Variants in PROCR observed in about 807,000 individuals in gnomAD.
PROCR encodes protein C receptor.
PROCR carries 22 observed loss-of-function variants against 24.2 expected under a neutral mutation model. That is an observed-to-expected ratio of 0.91 (90% CI 0.65 to 1.30). The LOEUF (loss-of-function observed/expected upper bound fraction) is 1.30, where lower values mean the gene tolerates loss of function less well. PROCR is among the 50% of genes most tolerant of loss of function. The probability of loss-of-function intolerance (pLI) is 0.00; values close to 1 mark genes in which losing one functional copy is unlikely to be tolerated. For synonymous variants in PROCR, 137 were observed against 139.2 expected, an observed-to-expected ratio of 0.98 and a Z score of 0.11; for missense variants, 288 against 307.7, an observed-to-expected ratio of 0.94 and a Z score of 0.48.
intron 1 of PROCR, among the ~76,000 whole-genome samples, chr20:35,213,306 C>T (rs910458568): frequency 6.6e-6 from 1 of 152,066 alleles, no homozygotes; most frequent in East Asian, 1.9e-4. Context: ...GCACTCCATC[C>T]TGGGTAACGG....
downstream of PROCR, among the ~76,000 whole-genome samples, chr20:35,180,456 G>A (rs2086067224): frequency 6.6e-6 from 1 of 152,062 alleles, no homozygotes; most frequent in Non-Finnish European, 1.5e-5. Context: ...GGTCATTTTG[G>A]CCAACTGCAG....
intron 1 of PROCR, among the ~76,000 whole-genome samples, chr20:35,195,670 A>T (rs2086209038): frequency 6.6e-6 from 1 of 151,568 alleles, no homozygotes; most frequent in Non-Finnish European, 1.5e-5. Context: ...AAAACACAAA[A>T]ATTAGCCAGG....
At chr20:35,187,153 C>T (rs779702438) in intron 1 of PROCR, among the ~76,000 whole-genome samples, 5 of 152,178 alleles carry the variant, frequency 3.3e-5, no homozygotes, top group Admixed American at 1.3e-4. Context: ...CAGGCTCAAA[C>T]GATCCTCCCA....
chr20:35,203,813 C>A (rs2060328003), intron 1 of PROCR, among the ~76,000 whole-genome samples: 1 of 151,914 alleles, frequency 6.6e-6, no homozygotes, highest in Admixed American at 6.6e-5. Flanking sequence ...ACATTTATAG[C>A]TTTACATGCC....
intron 3 of PROCR, 47 bp from the exon 4 acceptor site, chr20:35,176,651 C>T: frequency 2.5e-6 from 4 of 1,575,792 alleles, no homozygotes; most frequent in Non-Finnish European, 3.5e-6. Flanking sequence ...AAATCATGGA[C>T]TCCTTGGGGG....
intron 1 of PROCR, among the ~76,000 whole-genome samples, chr20:35,186,376 G>C (rs953927802): frequency 6.6e-6 from 1 of 151,220 alleles, no homozygotes; most frequent in African/African-American, 2.4e-5. Context: ...AGACCAGCCT[G>C]ACCAACATGG....
rs914304189 is a variant in PROCR, at chr20:35,174,743, G to T, written c.112G>T (p.Asp38Tyr). ...LHMLQISYFR[D>Y]PYHVWYQGNA... is the part of the protein sequence containing the mutation. ...TATGCTCCAGATCTCCTACTTCCGC[G>T]ACCCCTATCACGTGTGGTACCAGGG... Residue 38 changes from aspartate to tyrosine, a missense_variant, in exon 2 of 4, where the codon GAC (aspartate) becomes TAC (tyrosine). Physicochemically the swap from Asp to Tyr is radical, Grantham distance 160. Transcript: ENST00000216968. 1 of 1,613,976 alleles carries T rather than the reference G, an allele frequency of 6.2e-7. No homozygotes were observed. The highest frequency in any genetic ancestry group is 2.2e-5 in the East Asian group (1 of 44,876).
chr20:35,211,599 C>A (rs369412909), intron 1 of PROCR, among the ~76,000 whole-genome samples: 5 of 152,300 alleles, frequency 3.3e-5, no homozygotes, highest in African/African-American at 1.2e-4. Flanking sequence ...ATTCTCTCAA[C>A]TCCCATGTGC....
chr20:35,175,964 C>T (rs1011540521), intron 2 of PROCR, among the ~76,000 whole-genome samples: 5 of 151,900 alleles, frequency 3.3e-5, no homozygotes, highest in Non-Finnish European at 5.9e-5. Flanking sequence ...AGTCCCTGGC[C>T]CCTTCTTTCT....
At chr20:35,208,107 G>A (rs536331660) in intron 1 of PROCR, among the ~76,000 whole-genome samples, 3 of 152,274 alleles carry the variant, frequency 2.0e-5, no homozygotes, top group Middle Eastern at 3.4e-3. Flanking sequence ...GGAGAGAAGG[G>A]AAGGAAAAGC....
chr20:35,179,263 C>T (rs6060282), downstream of PROCR, among the ~76,000 whole-genome samples: 89,369 of 145,312 alleles, frequency 0.62, 28,655 homozygotes, highest in African/African-American at 0.8. Flanking sequence ...AAATGCCAAA[C>T]GCAATGACTG....
At chr20:35,213,480 T>C (rs11699306) in intron 1 of PROCR, among the ~76,000 whole-genome samples, 15,308 of 152,202 alleles carry the variant, frequency 0.1, 894 homozygotes, top group South Asian at 0.19. Flanking sequence ...TTACCTAGTT[T>C]ATAGTTTGTT....
chr20:35,204,726 A>G (rs979125520), intron 1 of PROCR, among the ~76,000 whole-genome samples: 14 of 151,782 alleles, frequency 9.2e-5, no homozygotes, highest in African/African-American at 3.4e-4. Flanking sequence ...AAGAAATAGT[A>G]TCAATTCCAC....
chr20:35,186,945 T>G (rs552483749), intron 1 of PROCR, among the ~76,000 whole-genome samples: 47 of 150,496 alleles, frequency 3.1e-4, no homozygotes, highest in African/African-American at 1.1e-3. Context: ...AAAGCAAGAC[T>G]CTGTCTCAAA....
chr20:35,192,088 C>T (rs2086178120), intron 1 of PROCR, among the ~76,000 whole-genome samples: 1 of 152,130 alleles, frequency 6.6e-6, no homozygotes, highest in Non-Finnish European at 1.5e-5. Context: ...AAAGAAAAGA[C>T]AGTATTGGCA....
At chr20:35,188,525 T>G (rs1022373218) in intron 1 of PROCR, among the ~76,000 whole-genome samples, 3 of 152,150 alleles carry the variant, frequency 2.0e-5, no homozygotes, top group Admixed American at 2.0e-4. Context: ...ATACCCAACA[T>G]AGTGCCTGGC....
At chr20:35,187,638 C>A (rs546163899) in intron 1 of PROCR, among the ~76,000 whole-genome samples, 91 of 152,248 alleles carry the variant, frequency 6.0e-4, no homozygotes, top group South Asian at 4.2e-3. Context: ...TAACTCTGAC[C>A]GTTTAGGGAG....
chr20:35,181,738 C>A (rs550126104), downstream of PROCR, among the ~76,000 whole-genome samples: 2 of 152,330 alleles, frequency 1.3e-5, no homozygotes, highest in East Asian at 3.9e-4. Flanking sequence ...CTTTCTCATT[C>A]TCCCCAAATC....
intron 1 of PROCR, among the ~76,000 whole-genome samples, chr20:35,184,528 A>G (rs2086105888): frequency 6.6e-6 from 1 of 152,052 alleles, no homozygotes; most frequent in Non-Finnish European, 1.5e-5. Context: ...GGTGAAACCC[A>G]TCTCTACTAA....
Sources: gnomAD v4.1 joint callset for allele counts (sites outside exome capture counted in the v4.1 genomes callset) on GRCh38, gnomAD v4.1.1 for gene constraint, MANE v1.5 for transcripts, NCBI Gene and HGNC (gene_info 2026-07-23, HGNC 2026-07-21) for gene names.